Variants in CNBD1 observed in about 807,000 individuals in gnomAD.
CNBD1 encodes the protein cyclic nucleotide binding domain containing 1, also known as cyclic nucleotide-binding domain-containing protein 1.
Under a neutral mutation model 54.4 loss-of-function variants are expected in CNBD1, and 71 were observed. That is an observed-to-expected ratio of 1.30 (90% confidence interval 1.08 to 1.59). CNBD1 has a LOEUF of 1.59. Ranked by LOEUF, CNBD1 falls within the 40% of genes most tolerant of loss-of-function variation. The pLI is 0.00. For synonymous variants in CNBD1, 182 were observed against 170.7 expected, an observed-to-expected ratio of 1.07 and a Z score of -0.51; for missense variants, 659 against 518.0, an observed-to-expected ratio of 1.27 and a Z score of -2.64.
chr8:87,277,614 G>T (rs919070345), intron 6 of CNBD1, among the ~76,000 whole-genome samples: 7 of 151,618 alleles, frequency 4.6e-5, no homozygotes, highest in Non-Finnish European at 8.9e-5. Flanking sequence ...TCAAGTATAA[G>T]AGGTCCTGAA....
chr8:87,151,345 T>C (rs570463640), intron 4 of CNBD1, among the ~76,000 whole-genome samples: 32 of 152,324 alleles, frequency 2.1e-4, no homozygotes, highest in Middle Eastern at 3.4e-3. Context: ...GAACAAAATG[T>C]TCAAAATTCT....
chr8:87,164,587 T>C (rs1812923111), intron 4 of CNBD1, among the ~76,000 whole-genome samples: 1 of 151,752 alleles, frequency 6.6e-6, no homozygotes, highest in African/African-American at 2.4e-5. Flanking sequence ...CATATAATTG[T>C]TTACAGTAGT....
At chr8:87,119,683 T>C (rs1190160757) in intron 4 of CNBD1, among the ~76,000 whole-genome samples, 1 of 152,098 alleles carries the variant, frequency 6.6e-6, no homozygotes, top group Non-Finnish European at 1.5e-5. Context: ...ATAATTTCAG[T>C]CCTTTTCCAT....
chr8:87,406,473 CACACA>C (rs1192209260), intron 2 of CNBD1, among the ~76,000 whole-genome samples: 346 of 131,756 alleles, frequency 2.6e-3, no homozygotes, highest in Non-Finnish European at 4.1e-3. Context: ...CACACACACA[CACACA>C]CTTTTTTTTT....
chr8:87,137,783 A>G (rs1250060729), intron 4 of CNBD1, among the ~76,000 whole-genome samples: 1 of 152,140 alleles, frequency 6.6e-6, no homozygotes, highest in East Asian at 1.9e-4. Context: ...TTGATTCAAA[A>G]CAGTTATAAG....
chr8:86,984,558 T>C (rs1471359118), intron 4 of CNBD1, among the ~76,000 whole-genome samples: 1 of 152,158 alleles, frequency 6.6e-6, no homozygotes, highest in African/African-American at 2.4e-5. Context: ...TGCAAAGCCA[T>C]AGGGACAGAG....
At chr8:87,360,622 C>T (rs1586045547) in intron 10 of CNBD1, among the ~76,000 whole-genome samples, 1 of 151,842 alleles carries the variant, frequency 6.6e-6, no homozygotes, top group South Asian at 2.1e-4. Flanking sequence ...ATTCTCATTC[C>T]ACCATTAGAA....
chr8:87,137,259 C>G (rs1812274835), intron 4 of CNBD1, among the ~76,000 whole-genome samples: 2 of 149,334 alleles, frequency 1.3e-5, no homozygotes, highest in South Asian at 2.1e-4. Flanking sequence ...TTCAGTGGCT[C>G]TATCTTGGCT....
At chr8:87,200,697 C>T (rs1813841280) in intron 4 of CNBD1, among the ~76,000 whole-genome samples, 2 of 151,870 alleles carry the variant, frequency 1.3e-5, no homozygotes, top group Admixed American at 6.6e-5. Flanking sequence ...AACAAATTAC[C>T]AAAATTGACT....
At chr8:87,020,234 C>T (rs531648510) in intron 4 of CNBD1, among the ~76,000 whole-genome samples, 1 of 151,748 alleles carries the variant, frequency 6.6e-6, no homozygotes, top group African/African-American at 2.4e-5. Flanking sequence ...TTTTTTTAAA[C>T]AAACCCTAGG....
chr8:87,355,111 A>T (rs1804183149), intron 10 of CNBD1, among the ~76,000 whole-genome samples: 1 of 152,210 alleles, frequency 6.6e-6, no homozygotes, highest in Admixed American at 6.5e-5. Flanking sequence ...TTCACAGACA[A>T]ATTGGGATAC....
chr8:87,174,190 C>T (rs1471932650), intron 4 of CNBD1, among the ~76,000 whole-genome samples: 2 of 151,990 alleles, frequency 1.3e-5, no homozygotes, highest in Non-Finnish European at 2.9e-5. Context: ...GATCTCTTGA[C>T]CTCGTTATCT....
intron 5 of CNBD1, among the ~76,000 whole-genome samples, chr8:87,229,219 T>G (rs1036550835): frequency 6.6e-6 from 1 of 152,112 alleles, no homozygotes; most frequent in African/African-American, 2.4e-5. Flanking sequence ...TCTGCATCGC[T>G]CAGGCTGGGA....
chr8:87,073,551 A>G (rs1249195631), intron 4 of CNBD1, among the ~76,000 whole-genome samples: 1 of 152,056 alleles, frequency 6.6e-6, no homozygotes, highest in Non-Finnish European at 1.5e-5. Context: ...CAGTCAGGCC[A>G]TTGTTCCATA....
intron 5 of CNBD1, among the ~76,000 whole-genome samples, chr8:87,209,297 C>A (rs1388771595): frequency 6.6e-6 from 1 of 151,994 alleles, no homozygotes; most frequent in African/African-American, 2.4e-5. Flanking sequence ...ATTACCCTGA[C>A]ACTAAAGGCA....
chr8:86,967,821 C>T (rs1342604120), intron 4 of CNBD1, among the ~76,000 whole-genome samples: 5 of 148,998 alleles, frequency 3.4e-5, no homozygotes, highest in African/African-American at 4.9e-5. Flanking sequence ...TTTTTTTAAC[C>T]TGCAGTTTTG....
At chr8:87,188,674 C>A in intron 4 of CNBD1, among the ~76,000 whole-genome samples, 1 of 150,348 alleles carries the variant, frequency 6.7e-6, no homozygotes, top group South Asian at 2.1e-4. Flanking sequence ...TGCAGTGAGC[C>A]GAGATTATGC....
At chr8:87,033,727 T>C (rs1301205655) in intron 4 of CNBD1, among the ~76,000 whole-genome samples, 1 of 152,126 alleles carries the variant, frequency 6.6e-6, no homozygotes, top group East Asian at 1.9e-4. Context: ...CAGGTACATA[T>C]ATCATTTCTC....
intron 6 of CNBD1, among the ~76,000 whole-genome samples, chr8:87,267,665 A>T (rs1260187588): frequency 3.9e-5 from 6 of 152,314 alleles, no homozygotes; most frequent in African/African-American, 1.4e-4. Context: ...TAATTTGAGT[A>T]TAGCATACAA....
Sources: allele counts gnomAD v4.1 joint callset (sites outside exome capture counted in the v4.1 genomes callset), GRCh38; gene constraint gnomAD v4.1.1; transcripts MANE v1.5; gene names NCBI Gene and HGNC (gene_info 2026-07-23, HGNC 2026-07-21).